DPP6: variants seen among roughly 807,000 people sequenced by gnomAD.
DPP6 encodes A-type potassium channel modulatory protein DPP6.
In DPP6, 69 loss-of-function variants were observed where a neutral mutation model predicts 122.6. The observed-to-expected ratio is 0.56, with a 90% CI of 0.46 to 0.69. The LOEUF is 0.69. DPP6 is among the 30% of genes least tolerant of loss of function. DPP6 has a pLI of 0.00. For missense variants in DPP6, 928 were observed against 1,116.9 expected, an observed-to-expected ratio of 0.83 and a Z score of 2.41; for synonymous variants, 418 against 433.1, an observed-to-expected ratio of 0.97 and a Z score of 0.43.
chr7:154,317,959 T>A (rs925401233), intron 1 of DPP6, among the ~76,000 whole-genome samples: 1 of 152,170 alleles, frequency 6.6e-6, no homozygotes, highest in Non-Finnish European at 1.5e-5. Context: ...TCTCAACAAA[T>A]GCATGCCAAG....
intron 1 of DPP6, among the ~76,000 whole-genome samples, chr7:154,020,014 TC>T (rs1317460514): frequency 6.6e-6 from 1 of 152,130 alleles, no homozygotes; most frequent in Non-Finnish European, 1.5e-5. Flanking sequence ...CACAGAACTG[TC>T]CATCTAGGTG....
intron 1 of DPP6, among the ~76,000 whole-genome samples, chr7:154,428,218 A>ACTTTTCAAGGT (rs1818067945): frequency 1.3e-5 from 2 of 152,194 alleles, no homozygotes; most frequent in Non-Finnish European, 2.9e-5. Flanking sequence ...CAATACTCTT[A>ACTTTTCAAGGT]TTTTTAAAAA....
In DPP6 at chr7:154,237,420, G is replaced by T. The variant is rs564538541; in HGVS notation, c.243+184357G>T. Among the ~76,000 whole-genome samples the T allele has an allele frequency of 2.0e-5, 3 of 152,288 alleles. No individual in the cohort carries two copies. The South Asian group carries it at 6.2e-4, about 32-fold the overall frequency. On this transcript the variant is annotated intron_variant, in intron 1 of 25. Transcript: ENST00000377770. ...GAGTGCCCTGTTTTCACCTTCAGGG[G>T]TCTGACACCCAGTGTTAGGTTTACA...
At chr7:154,358,037 A>G (rs2151092295) in intron 1 of DPP6, among the ~76,000 whole-genome samples, 1 of 152,204 alleles carries the variant, frequency 6.6e-6, no homozygotes, top group Non-Finnish European at 1.5e-5. Context: ...TCAAATAGAG[A>G]CAAACTTATA....
chr7:154,426,446 C>T (rs1817918224), intron 1 of DPP6, among the ~76,000 whole-genome samples: 2 of 152,182 alleles, frequency 1.3e-5, no homozygotes, highest in South Asian at 4.2e-4. Context: ...ATGAATATGA[C>T]GTGAGATGAC....
chr7:153,985,896 G>T, intron 1 of DPP6, among the ~76,000 whole-genome samples: 1 of 152,088 alleles, frequency 6.6e-6, no homozygotes, highest in East Asian at 1.9e-4. Flanking sequence ...ATCTATACTT[G>T]GGCAACAGTT....
intron 1 of DPP6, among the ~76,000 whole-genome samples, chr7:154,121,862 T>A (rs1338901462): frequency 2.6e-5 from 4 of 152,224 alleles, no homozygotes; most frequent in Admixed American, 2.6e-4. Context: ...AATTCTTTTT[T>A]TTCTTTTTCT....
intron 25 of DPP6, among the ~76,000 whole-genome samples, chr7:154,891,758 G>C (rs1432968541): frequency 6.6e-6 from 1 of 152,076 alleles, no homozygotes; most frequent in African/African-American, 2.4e-5. Flanking sequence ...GCTAATTTTT[G>C]TATTTTTAGT....
rs1381323810 is a variant in DPP6 at position 154,618,656 on chromosome 7, T to C, written c.628-19165T>C. On this transcript the variant is annotated intron_variant, in intron 5 of 25. Coordinates refer to ENST00000377770, the MANE Select transcript of DPP6 (RefSeq NM_130797.4). The surrounding 1 kb of genome is among the most constrained non-coding windows in gnomAD (Gnocchi z 4.1). ...CGGGGCCACAGCCCAGCTTCCACCCTCCTGATGGGGACCATATCCATGTGC... is the reference window on the plus strand; with the variant it reads ...CGGGGCCACAGCCCAGCTTCCACCCCCCTGATGGGGACCATATCCATGTGC... Among the ~76,000 whole-genome samples, 1 of 152,148 alleles carries C rather than the reference T, an allele frequency of 6.6e-6. No individual in the cohort carries two copies. Among genetic ancestry groups the C allele is most frequent in the Admixed American group, 6.5e-5 (1 of 15,272 alleles).
chr7:154,622,814 A>G (rs916908292), intron 5 of DPP6, among the ~76,000 whole-genome samples: 12 of 152,208 alleles, frequency 7.9e-5, no homozygotes, highest in African/African-American at 2.9e-4. Flanking sequence ...CTGCTGTGGG[A>G]ATCTCTCTCA....
chr7:154,454,922 T>C (rs1302125895), intron 2 of DPP6, among the ~76,000 whole-genome samples: 1 of 152,152 alleles, frequency 6.6e-6, no homozygotes, highest in Non-Finnish European at 1.5e-5. Flanking sequence ...TCAGCCAAAA[T>C]ATTTTTGTCT....
At chr7:154,698,860 T>C (rs1273515056) in intron 7 of DPP6, among the ~76,000 whole-genome samples, 1 of 152,242 alleles carries the variant, frequency 6.6e-6, no homozygotes, top group Non-Finnish European at 1.5e-5. Context: ...AGCTGGGTTC[T>C]GTGATTCCCC....
intron 5 of DPP6, among the ~76,000 whole-genome samples, chr7:154,632,346 C>T (rs1835456733): frequency 6.6e-6 from 1 of 151,930 alleles, no homozygotes; most frequent in South Asian, 2.1e-4. Context: ...GGGCACTTGA[C>T]CTAGGAAGGA....
intron 1 of DPP6, among the ~76,000 whole-genome samples, chr7:154,004,059 T>A (rs567819416): frequency 6.6e-6 from 1 of 152,284 alleles, no homozygotes. Context: ...CTATTAGTGA[T>A]CTCTCTGGAC....
the DPP6 span, among the ~76,000 whole-genome samples, chr7:153,754,704 CTCA>C: frequency 6.6e-6 from 1 of 152,036 alleles, no homozygotes; most frequent in Non-Finnish European, 1.5e-5. Flanking sequence ...GTCTCTGAGG[CTCA>C]TCATTTTTCC....
intron 5 of DPP6, among the ~76,000 whole-genome samples, chr7:154,627,158 A>C (rs1586762879): frequency 7.3e-6 from 1 of 137,212 alleles, no homozygotes; most frequent in African/African-American, 2.7e-5. Context: ...AACTACAGGC[A>C]CCCACCACCA....
intron 1 of DPP6, among the ~76,000 whole-genome samples, chr7:154,226,780 T>A (rs1051713662): frequency 2.6e-5 from 4 of 152,226 alleles, no homozygotes; most frequent in Non-Finnish European, 4.4e-5. Context: ...TTTGGTGGTA[T>A]GTGATCTTCA....
chr7:154,444,014 A>G (rs547662378), intron 1 of DPP6, among the ~76,000 whole-genome samples: 38 of 152,264 alleles, frequency 2.5e-4, no homozygotes, highest in African/African-American at 9.1e-4. Flanking sequence ...AACTCCTGCA[A>G]GTTAGGAGGA....
At chr7:154,828,831 T>C (rs1461594804) in intron 16 of DPP6, among the ~76,000 whole-genome samples, 1 of 152,184 alleles carries the variant, frequency 6.6e-6, no homozygotes, top group Non-Finnish European at 1.5e-5. Context: ...CTTAAAATCG[T>C]GGCATACTGA....
Sources: gnomAD v4.1 joint callset for allele counts (sites outside exome capture counted in the v4.1 genomes callset) on GRCh38, gnomAD v4.1.1 for gene constraint, Gnocchi (gnomAD v3.1) non-coding constraint, MANE v1.5 for transcripts, NCBI Gene and HGNC (gene_info 2026-07-23, HGNC 2026-07-21) for gene names.